SOBP: variants seen among roughly 807,000 people sequenced by gnomAD.
The protein encoded by SOBP is sine oculis binding protein homolog.
A neutral mutation model predicts 53.6 loss-of-function variants in SOBP; 4 were observed. The observed-to-expected ratio is 0.07, with a 90% CI of 0.04 to 0.17. The LOEUF (loss-of-function observed/expected upper bound fraction) is 0.17. SOBP is among the 10% of genes least tolerant of loss of function. SOBP has a pLI of 1.00. For missense variants in SOBP, 1,088 were observed against 1,204.7 expected, an observed-to-expected ratio of 0.90 and a Z score of 1.43; for synonymous variants, 584 against 522.6, an observed-to-expected ratio of 1.12 and a Z score of -1.60.
intron 4 of SOBP, among the ~76,000 whole-genome samples, chr6:107,562,406 C>A (rs372348538): frequency 2.0e-5 from 3 of 152,080 alleles, no homozygotes; most frequent in African/African-American, 7.2e-5. Flanking sequence ...GTCTTTAGAC[C>A]GTGACAAGCC....
chr6:107,530,713 A>T (rs2114983740), intron 3 of SOBP, among the ~76,000 whole-genome samples: 1 of 152,216 alleles, frequency 6.6e-6, no homozygotes, highest in African/African-American at 2.4e-5. Context: ...ACCTTTATGA[A>T]ATGGAGTTGT....
chr6:107,598,517 A>G (rs1484730343), intron 5 of SOBP, among the ~76,000 whole-genome samples: 2 of 152,204 alleles, frequency 1.3e-5, no homozygotes, highest in Non-Finnish European at 2.9e-5. Flanking sequence ...TCATTCTGTG[A>G]GTGGCGAGAA....
At chr6:107,577,714 C>T (rs1785274901) in intron 4 of SOBP, among the ~76,000 whole-genome samples, 1 of 152,096 alleles carries the variant, frequency 6.6e-6, no homozygotes, top group South Asian at 2.1e-4. Flanking sequence ...TGTGTCTTTT[C>T]TGGTATTGAG....
At chr6:107,491,209 C>T (rs924824741) in intron 1 of SOBP, among the ~76,000 whole-genome samples, 5 of 152,218 alleles carry the variant, frequency 3.3e-5, no homozygotes, top group African/African-American at 1.2e-4. Context: ...GCGTGAAGAG[C>T]CCGTCAGTGC....
At chr6:107,568,686 A>G (rs1051434029) in intron 4 of SOBP, among the ~76,000 whole-genome samples, 1 of 152,220 alleles carries the variant, frequency 6.6e-6, no homozygotes, top group Admixed American at 6.5e-5. Flanking sequence ...ATTGTGGTGG[A>G]TACCTTCTGC....
intron 1 of SOBP, among the ~76,000 whole-genome samples, chr6:107,503,191 C>A (rs191085372): frequency 6.6e-5 from 10 of 152,300 alleles, no homozygotes; most frequent in African/African-American, 2.2e-4. Flanking sequence ...TTGGCGTTAT[C>A]CGCGATAAGA....
chr6:107,557,022 C>T (rs924428809), intron 4 of SOBP, among the ~76,000 whole-genome samples: 1 of 152,164 alleles, frequency 6.6e-6, no homozygotes, highest in Non-Finnish European at 1.5e-5. Flanking sequence ...ATAAGGCATC[C>T]ACATACCTCC....
chr6:107,601,116 A>G (rs978883708), intron 5 of SOBP, among the ~76,000 whole-genome samples: 2 of 152,154 alleles, frequency 1.3e-5, no homozygotes, highest in African/African-American at 4.8e-5. Flanking sequence ...GGTCTCTCCT[A>G]TGTCTAGGGA....
chr6:107,656,891 C>T (rs903222991), intron 6 of SOBP, among the ~76,000 whole-genome samples: 1 of 152,248 alleles, frequency 6.6e-6, no homozygotes, highest in East Asian at 1.9e-4. Flanking sequence ...ATAATCTCAA[C>T]AGTTGTAAAG....
At chr6:107,631,283 T>G (rs1054419387) in intron 5 of SOBP, among the ~76,000 whole-genome samples, 5 of 152,212 alleles carry the variant, frequency 3.3e-5, no homozygotes, top group African/African-American at 1.2e-4. Context: ...TTGATAATTT[T>G]TTTTAGTCAA....
chr6:107,536,590 C>T (rs1450775646), intron 4 of SOBP, among the ~76,000 whole-genome samples: 1 of 152,170 alleles, frequency 6.6e-6, no homozygotes, highest in Non-Finnish European at 1.5e-5. Flanking sequence ...ATACATCTCT[C>T]ACAGACTGTC....
chr6:107,536,462 C>T (rs1183138825), intron 4 of SOBP, among the ~76,000 whole-genome samples: 5 of 152,026 alleles, frequency 3.3e-5, no homozygotes, highest in Non-Finnish European at 4.4e-5. Context: ...CAAAAATAAC[C>T]CAACTCTCAA....
At chr6:107,512,479 C>G (rs187267155) in intron 3 of SOBP, among the ~76,000 whole-genome samples, 2 of 152,200 alleles carry the variant, frequency 1.3e-5, no homozygotes, top group South Asian at 4.1e-4. Flanking sequence ...AGGTAAAGCA[C>G]TCAGAAGGGA....
At chr6:107,608,184 T>C (rs1786461153) in intron 5 of SOBP, among the ~76,000 whole-genome samples, 1 of 152,196 alleles carries the variant, frequency 6.6e-6, no homozygotes, top group Non-Finnish European at 1.5e-5. Context: ...ATGGTTTTGT[T>C]CAGAACTGGG....
chr6:107,635,024 C>G lies in SOBP; in HGVS notation c.2180C>G (p.Thr727Arg). The change falls in exon 6 of 7, where the codon ACG becomes AGG. Residue 727 changes from threonine to arginine, a missense_variant. Around this residue, in one of 6 missense-constraint regions of SOBP, gnomAD observed 665 missense variants for 629.7 expected, o/e 1.06. Coordinates refer to ENST00000317357, the MANE Select transcript of SOBP (RefSeq NM_018013.4). This position sits in a 1 kb window ranked among gnomAD's most constrained non-coding sequence, Gnocchi z 4.5. ...AAACNVIVNGTRGAAAEGAKS... is the reference protein window; with the variant it reads ...AAACNVIVNGRRGAAAEGAKS... ...GCCTGCAACGTCATCGTGAACGGCA[C>G]GCGCGGCGCCGCCGCCGAGGGCGCT... 1 of 1,221,038 alleles carries G rather than the reference C, an allele frequency of 8.2e-7. No individual in the cohort carries two copies. Among genetic ancestry groups the G allele is most frequent in the Non-Finnish European group, 1.0e-6 (1 of 980,234 alleles). The allele number at this position is 1,221,038 out of a possible 1,614,324, so 75.6% of individuals were successfully genotyped here.
In SOBP at chr6:107,591,968, G is replaced by GTTT. The variant is rs56210027; in HGVS notation, c.669+4815_669+4817dup. ...TGAGGGACAGATTTGGTCTTTTGGT[G>GTTT]TTTTTTTTTTTTTTTTTTTTTTTTG... On this transcript the variant is annotated intron_variant, in intron 5 of 6. Coordinates refer to ENST00000317357, the MANE Select transcript of SOBP (RefSeq NM_018013.4). Among the ~76,000 whole-genome samples, 644 of 88,556 alleles carry GTTT rather than the reference G, an allele frequency of 7.3e-3. 9 individuals are homozygous for GTTT. The highest frequency in any genetic ancestry group is 0.018 in the African/African-American group (405 of 22,910). 58.1% of individuals were successfully genotyped at this position (88,556 alleles called of 152,430 possible).
intron 3 of SOBP, among the ~76,000 whole-genome samples, chr6:107,521,909 AACACACACAC>A (rs34004579): frequency 0.03 from 4,191 of 139,334 alleles, 146 homozygotes; most frequent in African/African-American, 0.084. Flanking sequence ...CAGACATTAA[AACACACACAC>A]ACACACACAC....
In SOBP at chr6:107,605,786, C is replaced by T. The variant is rs115388079; in HGVS notation, c.669+18611C>T. Among the ~76,000 whole-genome samples the T allele has an allele frequency of 4.1e-3, 630 of 152,314 alleles. 8 individuals are homozygous for T. The highest frequency in any genetic ancestry group is 0.014 in the African/African-American group (590 of 41,550). ...ACTGCTCAAAATGTGGCCCACCCAC[C>T]GGCAGCGGGGACATTGCCTGGGCCC... On this transcript the variant is annotated intron_variant, in intron 5 of 6. Transcript: ENST00000317357.
chr6:107,519,255 G>A (rs1259365282), intron 3 of SOBP, among the ~76,000 whole-genome samples: 1 of 148,548 alleles, frequency 6.7e-6, no homozygotes, highest in Non-Finnish European at 1.5e-5. Flanking sequence ...AGGAGAAGGG[G>A]TACTAATGGC....
Sources: allele counts gnomAD v4.1 joint callset (sites outside exome capture counted in the v4.1 genomes callset), GRCh38; gene constraint gnomAD v4.1.1; regional missense constraint gnomAD v4.1.1; non-coding constraint Gnocchi (gnomAD v3.1); transcripts MANE v1.5; gene names NCBI Gene and HGNC (gene_info 2026-07-23, HGNC 2026-07-21).